The following NAA50 variants were observed in gnomAD, a reference collection of about 807,000 sequenced individuals.
NAA50 encodes the protein N-alpha-acetyltransferase 50, NatE catalytic subunit.
Under a neutral mutation model 20.7 loss-of-function variants are expected in NAA50, and 7 were observed. That is an observed-to-expected ratio of 0.34 (90% CI 0.19 to 0.63). The LOEUF (loss-of-function observed/expected upper bound fraction) is 0.63, where lower values mean the gene tolerates loss of function less well. Ranked by LOEUF, NAA50 falls within the 30% of genes least tolerant of loss-of-function variation. NAA50 has a pLI of 0.75. For synonymous variants in NAA50, 54 were observed against 70.6 expected (o/e 0.77, Z 1.18); for missense variants, 111 against 199.1 (o/e 0.56, Z 2.66).
intron 1 of NAA50, among the ~76,000 whole-genome samples, chr3:113,729,928 C>G (rs997043237): frequency 2.0e-5 from 3 of 152,006 alleles, no homozygotes; most frequent in African/African-American, 7.3e-5. Flanking sequence ...TCCTTGTGTC[C>G]TTATATTTAA....
chr3:113,724,957 C>T (rs975187103), intron 1 of NAA50, among the ~76,000 whole-genome samples: 2 of 152,136 alleles, frequency 1.3e-5, no homozygotes, highest in African/African-American at 2.4e-5. Context: ...CCTATCCCTG[C>T]GCAACTGTGA....
Position 113,746,105 on chromosome 3 carries a change from T to C in NAA50, c.-156A>G. ...GTGCGAGCAACGAAGGCCGCGAGAG[T>C]CGAGTGAGGGCTTGAGTCTGGTGGG... On this transcript the variant is annotated 5_prime_UTR_variant, in exon 1 of 5. Coordinates refer to ENST00000240922, the MANE Select transcript of NAA50 (RefSeq NM_025146.4). 1 of 938,220 alleles carries C rather than the reference T, an allele frequency of 1.1e-6. No homozygotes were observed. Among genetic ancestry groups the C allele is most frequent in the South Asian group, 1.6e-5 (1 of 62,734 alleles). 58.1% of individuals were successfully genotyped at this position (938,220 alleles called of 1,614,324 possible).
intron 2 of NAA50, 36 bp downstream of exon 2, chr3:113,723,918 GAAAGA>G (rs1175329866): frequency 6.7e-6 from 10 of 1,490,556 alleles, no homozygotes; most frequent in Non-Finnish European, 8.9e-6. Flanking sequence ...AGAACAAAAA[GAAAGA>G]AAAGAAGGGA....
At chr3:113,725,368 T>C (rs1708187313) in intron 1 of NAA50, among the ~76,000 whole-genome samples, 1 of 152,204 alleles carries the variant, frequency 6.6e-6, no homozygotes, top group Non-Finnish European at 1.5e-5. Context: ...TGTTAACATA[T>C]ACAAAAACAT....
chr3:113,745,870 G>C, intron 1 of NAA50, 72 bp downstream of exon 1: 1 of 1,528,050 alleles, frequency 6.5e-7, no homozygotes, highest in Non-Finnish European at 8.8e-7. Context: ...CGCCTTTGCG[G>C]CTCTCCCCCT....
At chr3:113,734,297 T>C (rs555624213) in intron 1 of NAA50, among the ~76,000 whole-genome samples, 6 of 152,088 alleles carry the variant, frequency 3.9e-5, no homozygotes, top group East Asian at 3.9e-4. Context: ...TGGGGACTAC[T>C]AGAAGAGGGA....
Position 113,721,956 on chromosome 3 carries a change from T to C in NAA50, c.333-19A>G. The C allele has an allele frequency of 6.3e-7, 1 of 1,588,702 alleles. No homozygotes were observed. Among genetic ancestry groups the C allele is most frequent in the South Asian group, 1.1e-5 (1 of 87,706 alleles). On this transcript the variant is annotated intron_variant, in intron 4 of 4. Transcript: ENST00000240922. ...GACATGCCTGAGATATAAGAGAGTATCAGAAAAAAAATTAAAATTAAGGTT... is the reference window on the plus strand; with the variant it reads ...GACATGCCTGAGATATAAGAGAGTACCAGAAAAAAAATTAAAATTAAGGTT...
At chr3:113,743,449 C>T (rs1414464707) in intron 1 of NAA50, among the ~76,000 whole-genome samples, 1 of 152,162 alleles carries the variant, frequency 6.6e-6, no homozygotes, top group African/African-American at 2.4e-5. Flanking sequence ...ACTTTAAAAT[C>T]GACCACACTG....
intron 1 of NAA50, 37 bp downstream of exon 1, chr3:113,745,905 C>T: frequency 6.2e-7 from 1 of 1,600,892 alleles, no homozygotes; most frequent in Non-Finnish European, 8.5e-7. Context: ...ACCCTTCTAC[C>T]CCACCGGCCG....
chr3:113,728,079 T>TA (rs11429752), intron 1 of NAA50, among the ~76,000 whole-genome samples: 48,606 of 140,638 alleles, frequency 0.35, 8,116 homozygotes, highest in East Asian at 0.37. Flanking sequence ...AACACGGAGT[T>TA]AAAAAAAAAA....
chr3:113,733,289 GA>G (rs149010946), intron 1 of NAA50, among the ~76,000 whole-genome samples: 100 of 151,994 alleles, frequency 6.6e-4, no homozygotes, highest in African/African-American at 2.3e-3. Flanking sequence ...AGAAAACTGG[GA>G]ATTCTTTATA....
Position 113,718,177 on chromosome 3 carries a change from A to G in NAA50, c.*3583T>C, listed in dbSNP as rs992123835. On this transcript the variant is annotated 3_prime_UTR_variant, in exon 5 of 5. Transcript: ENST00000240922. Reference sequence around the variant, plus strand: ...CTGGTGCCCAAGGAACTGAAGCCCAAGAGCCACGTGAGCATCAGGCACTGT... The same window carrying G: ...CTGGTGCCCAAGGAACTGAAGCCCAGGAGCCACGTGAGCATCAGGCACTGT... The G allele has an allele frequency of 1.3e-5, 2 of 152,240 alleles. No homozygotes were observed. Among genetic ancestry groups the G allele is most frequent in the African/African-American group, 4.8e-5 (2 of 41,450 alleles). The allele number at this position is 152,240 out of a possible 1,614,324, so 9.4% of individuals were successfully genotyped here.
intron 1 of NAA50, among the ~76,000 whole-genome samples, chr3:113,733,526 T>TA (rs1708297324): frequency 6.6e-6 from 1 of 152,014 alleles, no homozygotes; most frequent in Non-Finnish European, 1.5e-5. Context: ...TGTAATTGTT[T>TA]AAAAAATCCT....
At chr3:113,739,611 G>A (rs1319078228) in intron 1 of NAA50, 2 of 152,186 alleles carry the variant, frequency 1.3e-5, no homozygotes, top group Non-Finnish European at 2.9e-5. Flanking sequence ...CAAGAAAGAT[G>A]AATACTTCCA....
At position 113,721,735 on chromosome 3, in the gene NAA50, G is replaced by C. The variant is rs771574003; in HGVS notation, c.*25C>G. The C allele has an allele frequency of 3.7e-6, 6 of 1,613,142 alleles. No individual in the cohort carries two copies. The East Asian group carries it at 1.3e-4, about 36-fold the overall frequency. On this transcript the variant is annotated 3_prime_UTR_variant, in exon 5 of 5. Coordinates refer to ENST00000240922, the MANE Select transcript of NAA50 (RefSeq NM_025146.4). ...CTCTTTTATTTGGCGACAAGCAAGT[G>C]CAAGAAAGTTCATTTGTAATTTGTT...
intron 1 of NAA50, among the ~76,000 whole-genome samples, chr3:113,734,041 G>T (rs746826793): frequency 2.4e-4 from 36 of 152,070 alleles, no homozygotes; most frequent in Non-Finnish European, 4.4e-4. Flanking sequence ...TACTGTAGTT[G>T]ATTGATGGGG....
chr3:113,736,635 G>A (rs1708346399), intron 1 of NAA50, among the ~76,000 whole-genome samples: 1 of 152,070 alleles, frequency 6.6e-6, no homozygotes, highest in Non-Finnish European at 1.5e-5. Context: ...ACATTTAGTA[G>A]CAATATTCTG....
Position 113,746,033 on chromosome 3 carries a change from G to C in NAA50, c.-84C>G, listed in dbSNP as rs1247115030. The C allele has an allele frequency of 1.3e-6, 2 of 1,563,172 alleles. No homozygotes were observed. The highest frequency in any genetic ancestry group is 1.8e-5 in the Admixed American group (1 of 55,584). Reference sequence around the variant, plus strand: ...CCTTAGGTCTCCGCACCCTTAGCTCGGGCCACTCAACCCCGCAAGCCGGCC... The same window carrying C: ...CCTTAGGTCTCCGCACCCTTAGCTCCGGCCACTCAACCCCGCAAGCCGGCC... On this transcript the variant is annotated 5_prime_UTR_variant, in exon 1 of 5. Transcript: ENST00000240922.
intron 1 of NAA50, among the ~76,000 whole-genome samples, chr3:113,729,479 C>A (rs1708243211): frequency 6.6e-6 from 1 of 151,474 alleles, no homozygotes; most frequent in South Asian, 2.1e-4. Context: ...TTGAAATATC[C>A]TTTTTGCTGG....
Sources: gnomAD v4.1 joint callset for allele counts (sites outside exome capture counted in the v4.1 genomes callset) on GRCh38, gnomAD v4.1.1 for gene constraint, MANE v1.5 for transcripts, NCBI Gene and HGNC (gene_info 2026-07-23, HGNC 2026-07-21) for gene names.